Variants in EXOSC7 observed in about 807,000 individuals in gnomAD.
The protein encoded by EXOSC7 is exosome component 7.
EXOSC7 carries 25 observed loss-of-function variants against 34.3 expected under a neutral mutation model. That is an observed-to-expected ratio of 0.73 (90% CI 0.53 to 1.02). EXOSC7 has a LOEUF of 1.02. EXOSC7 is among the 50% of genes least tolerant of loss of function. EXOSC7 has a pLI of 0.00. For missense variants in EXOSC7, 370 were observed against 368.5 expected (o/e 1.00, Z -0.03); for synonymous variants, 130 against 143.0 (o/e 0.91, Z 0.65).
At chr3:44,980,829 C>T (rs1230778284) in intron 1 of EXOSC7, among the ~76,000 whole-genome samples, 1 of 152,166 alleles carries the variant, frequency 6.6e-6, no homozygotes, top group Non-Finnish European at 1.5e-5. Context: ...GTATAAGTTC[C>T]TTTAGAACCC....
chr3:45,007,036 G>A (rs1707068769), intron 6 of EXOSC7, among the ~76,000 whole-genome samples: 2 of 152,172 alleles, frequency 1.3e-5, no homozygotes, highest in Admixed American at 1.3e-4. Flanking sequence ...TTGTTCTTGA[G>A]TGTGTCCCTT....
At chr3:44,999,637 C>T (rs749918842) in intron 4 of EXOSC7, among the ~76,000 whole-genome samples, 2 of 151,726 alleles carry the variant, frequency 1.3e-5, no homozygotes, top group Non-Finnish European at 2.9e-5. Flanking sequence ...TGCAGTGAGC[C>T]GAGATGGTGC....
chr3:44,987,828 T>C (rs925694956), intron 1 of EXOSC7, among the ~76,000 whole-genome samples: 2 of 152,234 alleles, frequency 1.3e-5, no homozygotes, highest in Non-Finnish European at 2.9e-5. Context: ...AGAGCCAGCT[T>C]TCTCCTTCTT....
intron 1 of EXOSC7, among the ~76,000 whole-genome samples, chr3:44,986,163 AG>A (rs1484118300): frequency 1.0e-5 from 1 of 100,260 alleles, no homozygotes; most frequent in African/African-American, 3.8e-5. Flanking sequence ...GCCGTGGAGC[AG>A]GGGGCAGCGC....
At chr3:44,985,484 G>A (rs998285893) in intron 1 of EXOSC7, among the ~76,000 whole-genome samples, 4 of 151,876 alleles carry the variant, frequency 2.6e-5, no homozygotes, top group African/African-American at 7.3e-5. Context: ...TCGTGGTCTC[G>A]CTGGCTCAGG....
chr3:44,990,090 AG>A (rs996127776), intron 3 of EXOSC7, among the ~76,000 whole-genome samples: 1 of 152,198 alleles, frequency 6.6e-6, no homozygotes, highest in Non-Finnish European at 1.5e-5. Flanking sequence ...AGGCTGAGGA[AG>A]TGGCAGCTAG....
intron 1 of EXOSC7, among the ~76,000 whole-genome samples, chr3:44,979,588 GT>G (rs529893438): frequency 0.011 from 1,578 of 146,078 alleles, 18 homozygotes; most frequent in Admixed American, 0.024. Flanking sequence ...ATCTCTGCTG[GT>G]TTTTTTTTTC....
At chr3:45,006,284 GC>G (rs1707037876) in intron 6 of EXOSC7, among the ~76,000 whole-genome samples, 1 of 150,966 alleles carries the variant, frequency 6.6e-6, no homozygotes, top group South Asian at 2.1e-4. Context: ...CACCATGTTG[GC>G]CAGGCTGGTC....
chr3:44,991,228 C>A lies in EXOSC7; in HGVS notation c.254+1584C>A, dbSNP rs60894655. On this transcript the variant is annotated intron_variant, in intron 3 of 7. Coordinates refer to ENST00000265564, the MANE Select transcript of EXOSC7 (RefSeq NM_015004.4). ...TGGTCAGTTTTTTTTCCAGCCCATT[C>A]CTGTCCCCTACTCTGGTCCCCCAAG... 6.2e-4 allele frequency among the ~76,000 whole-genome samples: 94 copies of A among 152,276 alleles called. No individual in the cohort carries two copies. The East Asian group carries it at 0.016, about 26-fold the overall frequency.
At chr3:44,989,717 G>T in intron 3 of EXOSC7, 73 bp downstream of exon 3, 1 of 1,280,630 alleles carries the variant, frequency 7.8e-7, no homozygotes, top group South Asian at 1.3e-5. Context: ...ATGAACCTCT[G>T]GTTTGCTGTT....
chr3:44,995,869 G>C (rs1706707506), intron 3 of EXOSC7, among the ~76,000 whole-genome samples: 1 of 152,174 alleles, frequency 6.6e-6, no homozygotes, highest in South Asian at 2.1e-4. Context: ...CACAAATAGG[G>C]TGGGCACTGC....
chr3:44,976,283 GT>G lies in EXOSC7; in HGVS notation c.7del (p.Ser3ProfsTer2), dbSNP rs1706007055. 10 of 1,562,244 alleles carry G rather than the reference GT, an allele frequency of 6.4e-6. No homozygotes were observed. Among genetic ancestry groups the G allele is most frequent in the Non-Finnish European group, 8.6e-6 (10 of 1,160,350 alleles). MA[S>X]VTLSEAEKVY... The stretch of plus-strand genomic sequence containing the variant: ...TCGTGGGGCAGCTCGGCAGCATGGC[GT>G]CCGTGACGCTGAGCGAGGCGGAGAA... On this transcript the variant is annotated frameshift_variant, in exon 1 of 8. Coordinates refer to ENST00000265564, the MANE Select transcript of EXOSC7 (RefSeq NM_015004.4). LOFTEE classifies it high-confidence loss of function.
intron 1 of EXOSC7, 23 bp downstream of exon 1, chr3:44,976,357 G>C: frequency 6.4e-7 from 1 of 1,562,152 alleles, no homozygotes; most frequent in Non-Finnish European, 8.6e-7. Flanking sequence ...GCGGCGTTGG[G>C]TCGGCCGCCG....
In EXOSC7 at chr3:44,976,351, C is replaced by T. The variant is rs749853727; in HGVS notation, c.57+17C>T. On this transcript the variant is annotated intron_variant, in intron 1 of 7. Transcript: ENST00000265564. ...GGCGTCCAGGTAGCTACAGCAGCGG[C>T]GTTGGGTCGGCCGCCGGGTTCAGCC... The T allele has an allele frequency of 3.2e-6, 5 of 1,564,766 alleles. No individual in the cohort carries two copies. The highest frequency in any genetic ancestry group is 1.7e-4 in the Middle Eastern group (1 of 5,936).
chr3:44,988,175 G>T (rs576397423), intron 1 of EXOSC7, among the ~76,000 whole-genome samples: 2 of 152,318 alleles, frequency 1.3e-5, no homozygotes, highest in Admixed American at 1.3e-4. Context: ...GACACAAGAG[G>T]ATAGATATCT....
intron 5 of EXOSC7, 77 bp downstream of exon 5, chr3:45,001,685 T>G (rs775463250): frequency 4.4e-5 from 46 of 1,037,580 alleles, no homozygotes; most frequent in Non-Finnish European, 6.5e-5. Flanking sequence ...CTGAGGAAAT[T>G]TCTATTGTAG....
chr3:45,006,956 C>T (rs540065537), intron 6 of EXOSC7, among the ~76,000 whole-genome samples: 2 of 152,180 alleles, frequency 1.3e-5, no homozygotes, highest in South Asian at 2.1e-4. Flanking sequence ...AACTCCTGAG[C>T]TCAAGCATTC....
chr3:44,998,396 C>T (rs779939421), intron 4 of EXOSC7, among the ~76,000 whole-genome samples: 5 of 152,266 alleles, frequency 3.3e-5, no homozygotes, highest in East Asian at 3.9e-4. Context: ...TGTATAATCA[C>T]GTAGCAGTTG....
At chr3:44,981,883 C>G (rs767189350) in intron 1 of EXOSC7, among the ~76,000 whole-genome samples, 3 of 152,116 alleles carry the variant, frequency 2.0e-5, no homozygotes, top group Non-Finnish European at 4.4e-5. Context: ...TACTCTGTCT[C>G]TTAAAAGAAA....
Sources: gnomAD v4.1 joint callset for allele counts (sites outside exome capture counted in the v4.1 genomes callset) on GRCh38, gnomAD v4.1.1 for gene constraint, MANE v1.5 for transcripts, NCBI Gene and HGNC (gene_info 2026-07-23, HGNC 2026-07-21) for gene names.